Variants in TBC1D31 observed in about 807,000 individuals in gnomAD.
TBC1D31 encodes the protein TBC1 domain family member 31.
Under a neutral mutation model 132.9 loss-of-function variants are expected in TBC1D31, and 99 were observed. That is an observed-to-expected ratio of 0.74 (90% CI 0.63 to 0.88). TBC1D31 has a LOEUF of 0.88. Among genes scored for constraint, TBC1D31 ranks in the 40% least tolerant of loss-of-function variants. The pLI is 0.00. For synonymous variants in TBC1D31, 385 were observed against 419.4 expected (o/e 0.92, Z 1.00); for missense variants, 1,134 against 1,256.6 (o/e 0.90, Z 1.48).
In TBC1D31 at chr8:123,152,118, AC is replaced by A; in HGVS notation, c.*180del. On this transcript the variant is annotated 3_prime_UTR_variant, in exon 22 of 22. Transcript: ENST00000287380. ...TTTTGGCTTGTAAATGGCTTCTTGA[AC>A]TTTTTACAATAAAAATGTTTTAGAA... The A allele has an allele frequency of 1.9e-6, 1 of 514,568 alleles. No individual in the cohort carries two copies. The highest frequency in any genetic ancestry group is 4.4e-5 in the Admixed American group (1 of 22,948). 31.9% of individuals were successfully genotyped at this position (514,568 alleles called of 1,614,324 possible).
At chr8:123,113,026 G>A (rs1217468560) in intron 10 of TBC1D31, among the ~76,000 whole-genome samples, 3 of 152,164 alleles carry the variant, frequency 2.0e-5, no homozygotes, top group South Asian at 2.1e-4. Flanking sequence ...ATCAGATGCC[G>A]AAGGAATTAA....
intron 5 of TBC1D31, among the ~76,000 whole-genome samples, chr8:123,094,772 C>T (rs1401774701): frequency 1.3e-5 from 2 of 150,884 alleles, no homozygotes; most frequent in African/African-American, 4.9e-5. Context: ...AACTCCTGAC[C>T]TCTGGTGATC....
intron 20 of TBC1D31, among the ~76,000 whole-genome samples, 176 bp from the exon 21 acceptor site, chr8:123,149,860 T>C (rs1172801044): frequency 6.6e-6 from 1 of 152,266 alleles, no homozygotes; most frequent in Non-Finnish European, 1.5e-5. Context: ...CAGCTCTTAA[T>C]TCTCACTAAT....
chr8:123,119,942 G>A (rs564097302), intron 10 of TBC1D31, 113 bp from the exon 11 acceptor site: 29 of 866,312 alleles, frequency 3.3e-5, no homozygotes, highest in Middle Eastern at 7.1e-4. Flanking sequence ...TGAACTAGAT[G>A]ATAGGGGTAC....
chr8:123,146,159 A>G (rs1822193205), intron 20 of TBC1D31, among the ~76,000 whole-genome samples: 1 of 152,086 alleles, frequency 6.6e-6, no homozygotes, highest in African/African-American at 2.4e-5. Flanking sequence ...CGTGCCCAGC[A>G]CCGCACGCAG....
At chr8:123,135,687 T>A (rs760325322) in intron 17 of TBC1D31, among the ~76,000 whole-genome samples, 1 of 152,214 alleles carries the variant, frequency 6.6e-6, no homozygotes, top group Non-Finnish European at 1.5e-5. Flanking sequence ...TAGGTGAGAT[T>A]TAAACCATAT....
At chr8:123,076,982 G>A in intron 1 of TBC1D31, 129 bp from the exon 2 acceptor site, 1 of 784,308 alleles carries the variant, frequency 1.3e-6, no homozygotes, top group Non-Finnish European at 1.9e-6. Flanking sequence ...GATTCTAGAG[G>A]AGCGGGGGTA....
At chr8:123,124,535 C>T (rs975499131) in intron 11 of TBC1D31, among the ~76,000 whole-genome samples, 1 of 152,130 alleles carries the variant, frequency 6.6e-6, no homozygotes, top group Non-Finnish European at 1.5e-5. Context: ...TTGTAAGGAT[C>T]AGGCCTTTGG....
At chr8:123,115,542 A>G (rs2130630067) in intron 10 of TBC1D31, among the ~76,000 whole-genome samples, 1 of 152,338 alleles carries the variant, frequency 6.6e-6, no homozygotes, top group East Asian at 1.9e-4. Context: ...TGGCTTAAAA[A>G]CAACACAAAT....
At chr8:123,102,356 A>AT in intron 7 of TBC1D31, 2 of 354,664 alleles carry the variant, frequency 5.6e-6, no homozygotes, top group Non-Finnish European at 5.4e-6. Context: ...GGCGTTTGCC[A>AT]CCTTTTTTTA....
Position 123,151,786 on chromosome 8 carries a change from T to C in TBC1D31, c.3068-20T>C, listed in dbSNP as rs189512941. The C allele has an allele frequency of 6.5e-7, 1 of 1,546,762 alleles. No individual in the cohort carries two copies. The highest frequency in any genetic ancestry group is 2.4e-5 in the Admixed American group (1 of 42,200). ...CATCAGAAAACTCAGCTTTTCTAAATTTTAAATTTCGTTTTCAAGTTTCTT... is the reference window on the plus strand; with the variant it reads ...CATCAGAAAACTCAGCTTTTCTAAACTTTAAATTTCGTTTTCAAGTTTCTT... On this transcript the variant is annotated intron_variant, in intron 21 of 21. Transcript: ENST00000287380.
chr8:123,090,804 T>A (rs992463986), intron 4 of TBC1D31, among the ~76,000 whole-genome samples: 4 of 151,972 alleles, frequency 2.6e-5, no homozygotes, highest in Non-Finnish European at 5.9e-5. Context: ...ATACAAAAAA[T>A]TAGCCGGGCA....
At chr8:123,160,442 G>A in the TBC1D31 span, among the ~76,000 whole-genome samples, 5 of 152,246 alleles carry the variant, frequency 3.3e-5, 1 homozygote, top group African/African-American at 1.2e-4. Flanking sequence ...GAGGAAGAAG[G>A]GAAGTTGGGG....
At chr8:123,081,732 G>A (rs921527330) in intron 2 of TBC1D31, among the ~76,000 whole-genome samples, 2 of 152,178 alleles carry the variant, frequency 1.3e-5, no homozygotes, top group South Asian at 2.1e-4. Context: ...TACTTCTTAC[G>A]TAGTGGTGGC....
intron 20 of TBC1D31, 43 bp from the exon 21 acceptor site, chr8:123,149,993 C>A (rs759138251): frequency 6.9e-7 from 1 of 1,451,528 alleles, no homozygotes; most frequent in Non-Finnish European, 9.7e-7. Flanking sequence ...AGCCTTTCTA[C>A]TCACTCCCAA....
At chr8:123,099,003 A>T (rs1055868188) in intron 6 of TBC1D31, among the ~76,000 whole-genome samples, 2 of 152,246 alleles carry the variant, frequency 1.3e-5, no homozygotes, top group Non-Finnish European at 2.9e-5. Context: ...AAGCAATCAC[A>T]TGGTGGCATC....
At chr8:123,161,000 G>A in the TBC1D31 span, among the ~76,000 whole-genome samples, 1 of 152,142 alleles carries the variant, frequency 6.6e-6, no homozygotes, top group Non-Finnish European at 1.5e-5. Flanking sequence ...CCGGAACGAG[G>A]GTGGTCAGGG....
At chr8:123,102,013 C>T (rs935329699) in intron 7 of TBC1D31, among the ~76,000 whole-genome samples, 7 of 152,142 alleles carry the variant, frequency 4.6e-5, no homozygotes, top group African/African-American at 1.7e-4. Context: ...AACTTATTTC[C>T]TCGAACTTAT....
At chr8:123,164,658 G>A in the TBC1D31 span, among the ~76,000 whole-genome samples, 2 of 151,874 alleles carry the variant, frequency 1.3e-5, no homozygotes, top group African/African-American at 4.8e-5. Flanking sequence ...GGAGGTGGAG[G>A]TTGCAGTGAG....
Sources: gnomAD v4.1 joint callset for allele counts (sites outside exome capture counted in the v4.1 genomes callset) on GRCh38, gnomAD v4.1.1 for gene constraint, MANE v1.5 for transcripts, NCBI Gene and HGNC (gene_info 2026-07-23, HGNC 2026-07-21) for gene names.